Variants in SLC44A5 observed in about 807,000 individuals in gnomAD.
SLC44A5 encodes the protein solute carrier family 44 member 5, also known as choline transporter-like protein 5.
In SLC44A5, 57 loss-of-function variants were observed where a neutral mutation model predicts 101.8. The observed-to-expected ratio is 0.56, with a 90% confidence interval of 0.45 to 0.70. The LOEUF (loss-of-function observed/expected upper bound fraction) is 0.70. SLC44A5 is among the 30% of genes least tolerant of loss of function. The pLI is 0.00. For synonymous variants in SLC44A5, 281 were observed against 290.9 expected, an observed-to-expected ratio of 0.97 and a Z score of 0.35; for missense variants, 737 against 853.1, an observed-to-expected ratio of 0.86 and a Z score of 1.70.
chr1:75,691,420 T>G, the SLC44A5 span, among the ~76,000 whole-genome samples: 2 of 151,642 alleles, frequency 1.3e-5, no homozygotes, highest in Non-Finnish European at 2.9e-5. Context: ...ATCTAGAAAA[T>G]GAATATAGAG....
At chr1:75,475,525 C>T (rs893599577) in intron 2 of SLC44A5, among the ~76,000 whole-genome samples, 3 of 152,202 alleles carry the variant, frequency 2.0e-5, no homozygotes, top group South Asian at 2.1e-4. Context: ...AACCAACATT[C>T]CTTCTAAAAT....
At chr1:75,641,431 A>G in the SLC44A5 span, 1 of 1,214,530 alleles carries the variant, frequency 8.2e-7, no homozygotes, top group Non-Finnish European at 1.2e-6. Context: ...AATAAGCACT[A>G]CTTCTACTGC....
chr1:75,606,460 T>A (rs1675330423), intron 1 of SLC44A5, among the ~76,000 whole-genome samples: 1 of 151,906 alleles, frequency 6.6e-6, no homozygotes, highest in Non-Finnish European at 1.5e-5. Context: ...ACACAGATAG[T>A]AACAAACAAC....
chr1:75,677,953 G>C, the SLC44A5 span: 1 of 211,672 alleles, frequency 4.7e-6, no homozygotes, highest in Non-Finnish European at 9.7e-6. Flanking sequence ...CACTTGGGAA[G>C]TGCAAGGGGT....
intron 3 of SLC44A5, among the ~76,000 whole-genome samples, chr1:75,342,362 T>C (rs1272632823): frequency 6.6e-6 from 1 of 152,222 alleles, no homozygotes; most frequent in East Asian, 1.9e-4. Flanking sequence ...ATAGCCCTAG[T>C]GTATTTATTA....
the SLC44A5 span, chr1:75,641,389 T>C: frequency 1.1e-6 from 1 of 926,086 alleles, no homozygotes; most frequent in Non-Finnish European, 1.8e-6. Context: ...CATGTGTATA[T>C]GAGCTTGATT....
At chr1:75,676,585 T>A in the SLC44A5 span, among the ~76,000 whole-genome samples, 1 of 152,280 alleles carries the variant, frequency 6.6e-6, no homozygotes, top group South Asian at 2.1e-4. Context: ...AAATAGCTAA[T>A]GCATACTGGG....
chr1:75,552,582 G>A (rs1671996574), intron 1 of SLC44A5, among the ~76,000 whole-genome samples: 1 of 150,242 alleles, frequency 6.7e-6, no homozygotes, highest in Non-Finnish European at 1.5e-5. Context: ...TCTATCGATT[G>A]ATCAAAACTT....
At chr1:75,419,431 C>G (rs1663864130) in intron 2 of SLC44A5, among the ~76,000 whole-genome samples, 1 of 145,852 alleles carries the variant, frequency 6.9e-6, no homozygotes, top group Non-Finnish European at 1.5e-5. Flanking sequence ...CATCAGAAAA[C>G]TAAGACAATG....
chr1:75,331,929 A>G (rs115191624), intron 4 of SLC44A5, among the ~76,000 whole-genome samples: 2,350 of 152,228 alleles, frequency 0.015, 58 homozygotes, highest in Middle Eastern at 0.054. Flanking sequence ...AATCTAAATT[A>G]ACACTTCCCC....
chr1:75,499,973 A>G (rs1006584071), intron 2 of SLC44A5, among the ~76,000 whole-genome samples: 1 of 151,968 alleles, frequency 6.6e-6, no homozygotes, highest in Non-Finnish European at 1.5e-5. Flanking sequence ...CTGCCCATAA[A>G]CCCCTCCCAT....
At chr1:75,677,237 T>C in the SLC44A5 span, among the ~76,000 whole-genome samples, 2 of 152,264 alleles carry the variant, frequency 1.3e-5, no homozygotes, top group Admixed American at 1.3e-4. Context: ...TGTAAACTAC[T>C]TGAGTAGAAG....
At chr1:75,317,368 A>AGTTCT (rs1210427788) in intron 4 of SLC44A5, among the ~76,000 whole-genome samples, 1 of 152,238 alleles carries the variant, frequency 6.6e-6, no homozygotes. Flanking sequence ...TTAATGCCAG[A>AGTTCT]GACATAGTGT....
intron 2 of SLC44A5, among the ~76,000 whole-genome samples, chr1:75,414,992 G>C (rs554885568): frequency 1.1e-4 from 17 of 152,300 alleles, no homozygotes; most frequent in Admixed American, 4.6e-4. Context: ...CTGCAGTGTG[G>C]AGAATGATGA....
chr1:75,453,063 C>G (rs915247490), intron 2 of SLC44A5, among the ~76,000 whole-genome samples: 4 of 152,104 alleles, frequency 2.6e-5, no homozygotes, highest in African/African-American at 9.7e-5. Flanking sequence ...ACAGAATACT[C>G]CATCTAGCAA....
In SLC44A5 at chr1:75,398,345, T is replaced by C. The variant is rs145753611; in HGVS notation, c.14-1724A>G. On this transcript the variant is annotated intron_variant, in intron 2 of 23. Coordinates refer to ENST00000370859, the MANE Select transcript of SLC44A5 (RefSeq NM_001130058.2). ...CAGCTCCCTCAGCTATATAAACTAG[T>C]AAATTTCACCTGCAGACCCAGTCCC... 20 of 984,646 alleles carry C rather than the reference T, an allele frequency of 2.0e-5. No individual in the cohort carries two copies. In the East Asian group the frequency reaches 2.0e-3, roughly 101 times the overall value. The allele number at this position is 984,646 out of a possible 1,614,324, so 61.0% of individuals were successfully genotyped here.
At chr1:75,610,400 T>C (rs1330148657) in intron 1 of SLC44A5, among the ~76,000 whole-genome samples, 1 of 152,086 alleles carries the variant, frequency 6.6e-6, no homozygotes, top group African/African-American at 2.4e-5. Context: ...TTCATCAAAA[T>C]ACCGACAATA....
At chr1:75,483,051 TG>T (rs1557834745) in intron 2 of SLC44A5, among the ~76,000 whole-genome samples, 1 of 152,228 alleles carries the variant, frequency 6.6e-6, no homozygotes, top group African/African-American at 2.4e-5. Context: ...TAATATTTAC[TG>T]AGCTGCTTCT....
At chr1:75,227,928 A>G (rs1196638002) in intron 12 of SLC44A5, 71 bp from the exon 13 acceptor site, 3 of 1,219,138 alleles carry the variant, frequency 2.5e-6, no homozygotes, top group African/African-American at 1.6e-5. Context: ...TGTGCTCATC[A>G]TACATATCTA....
Sources: gnomAD v4.1 joint callset for allele counts (sites outside exome capture counted in the v4.1 genomes callset) on GRCh38, gnomAD v4.1.1 for gene constraint, MANE v1.5 for transcripts, NCBI Gene and HGNC (gene_info 2026-07-23, HGNC 2026-07-21) for gene names.